NMBR: variants seen among roughly 807,000 people sequenced by gnomAD.
NMBR encodes neuromedin B receptor, also known as neuromedin-B receptor.
NMBR carries 16 observed loss-of-function variants against 20.5 expected under a neutral mutation model. The observed-to-expected ratio is 0.78, with a 90% CI of 0.53 to 1.19. The LOEUF (loss-of-function observed/expected upper bound fraction) is 1.19. NMBR is among the 50% of genes most tolerant of loss of function. The probability of loss-of-function intolerance (pLI) is 0.00; values close to 1 mark genes in which losing one functional copy is unlikely to be tolerated. For synonymous variants in NMBR, 212 were observed against 196.6 expected (o/e 1.08, Z -0.65); for missense variants, 582 against 499.1 (o/e 1.17, Z -1.58).
At chr6:142,100,238 G>T (rs187901416) in intron 1 of NMBR, among the ~76,000 whole-genome samples, 2 of 152,066 alleles carry the variant, frequency 1.3e-5, no homozygotes, top group Admixed American at 1.3e-4. Flanking sequence ...GAAAACATAT[G>T]TCCACACAAA....
intron 1 of NMBR, among the ~76,000 whole-genome samples, chr6:142,137,805 T>G (rs897989433): frequency 3.9e-5 from 6 of 152,180 alleles, no homozygotes; most frequent in Admixed American, 3.9e-4. Context: ...ATTTATTGAT[T>G]TGCGCATATT....
intron 2 of NMBR, among the ~76,000 whole-genome samples, chr6:142,081,967 A>G (rs1287976757): frequency 6.6e-6 from 1 of 152,212 alleles, no homozygotes; most frequent in African/African-American, 2.4e-5. Context: ...TTTCTTCATC[A>G]ATTCTTATTT....
chr6:142,083,699 G>A (rs781692537), intron 2 of NMBR, among the ~76,000 whole-genome samples: 4 of 152,132 alleles, frequency 2.6e-5, no homozygotes, highest in African/African-American at 4.8e-5. Flanking sequence ...TCTCTCTCCT[G>A]CCACCATGTG....
At chr6:142,089,738 T>A (rs1480201239) in intron 1 of NMBR, among the ~76,000 whole-genome samples, 1 of 152,222 alleles carries the variant, frequency 6.6e-6, no homozygotes, top group Non-Finnish European at 1.5e-5. Context: ...TACTGTATAC[T>A]ACATCATTTT....
At chr6:142,131,262 A>T (rs1164214998) in intron 1 of NMBR, among the ~76,000 whole-genome samples, 1 of 152,192 alleles carries the variant, frequency 6.6e-6, no homozygotes, top group Non-Finnish European at 1.5e-5. Context: ...TAACATTTGT[A>T]ATCAGCAGGC....
chr6:142,142,280 C>G (rs1234467042), intron 1 of NMBR, among the ~76,000 whole-genome samples: 1 of 152,084 alleles, frequency 6.6e-6, no homozygotes, highest in Non-Finnish European at 1.5e-5. Flanking sequence ...AAATAATACT[C>G]CAAAATCTTT....
intron 1 of NMBR, among the ~76,000 whole-genome samples, chr6:142,137,878 C>G (rs1582865729): frequency 6.6e-6 from 1 of 151,926 alleles, no homozygotes; most frequent in East Asian, 1.9e-4. Context: ...AATCAGTTTT[C>G]TTGAAAGTTT....
At chr6:142,119,955 G>A (rs1777917080) in intron 1 of NMBR, among the ~76,000 whole-genome samples, 1 of 151,838 alleles carries the variant, frequency 6.6e-6, no homozygotes, top group Non-Finnish European at 1.5e-5. Context: ...AATTGACATT[G>A]TACTTGTTGG....
At chr6:142,118,282 T>C (rs1562243401) in intron 1 of NMBR, among the ~76,000 whole-genome samples, 1 of 152,000 alleles carries the variant, frequency 6.6e-6, no homozygotes, top group African/African-American at 2.4e-5. Context: ...CTTATATTTG[T>C]GGTCATTACT....
At chr6:142,089,556 A>G (rs1777281595) in intron 1 of NMBR, among the ~76,000 whole-genome samples, 1 of 152,198 alleles carries the variant, frequency 6.6e-6, no homozygotes, top group Non-Finnish European at 1.5e-5. Flanking sequence ...CCCACAATCT[A>G]GCCACCATCT....
chr6:142,100,843 A>T (rs1184744175), intron 1 of NMBR, among the ~76,000 whole-genome samples: 3 of 152,228 alleles, frequency 2.0e-5, no homozygotes, highest in Non-Finnish European at 4.4e-5. Flanking sequence ...TAATTTTGCC[A>T]TTTCAAAGCA....
At chr6:142,076,832 C>G (rs567221222) in intron 3 of NMBR, among the ~76,000 whole-genome samples, 59 of 151,970 alleles carry the variant, frequency 3.9e-4, no homozygotes, top group Non-Finnish European at 7.4e-4. Context: ...CATGGAATAC[C>G]AATTTATTGA....
At chr6:142,125,519 A>AC (rs1582858819) in intron 1 of NMBR, among the ~76,000 whole-genome samples, 25 of 151,634 alleles carry the variant, frequency 1.6e-4, no homozygotes, top group Non-Finnish European at 2.8e-4. Context: ...ATACATACAC[A>AC]ATTACTCATG....
intron 1 of NMBR, among the ~76,000 whole-genome samples, chr6:142,137,979 G>A (rs225612): frequency 0.96 from 145,011 of 150,322 alleles, 70,001 homozygotes; most frequent in East Asian, 1. Context: ...TCTTCTTGGG[G>A]AAAAAAAAAA....
intron 1 of NMBR, among the ~76,000 whole-genome samples, chr6:142,110,948 A>G (rs1219734468): frequency 6.6e-6 from 1 of 152,180 alleles, no homozygotes; most frequent in Non-Finnish European, 1.5e-5. Context: ...TAGATCAAAT[A>G]AGACATACTG....
rs202038884 is a variant in NMBR, at chr6:142,094,000, G to T, written c.-663-4679C>A. Among the ~76,000 whole-genome samples the T allele has an allele frequency of 3.7e-3, 147 of 39,270 alleles. 2 individuals carry two copies. The East Asian group carries it at 0.14, about 36-fold the overall frequency. 25.8% of individuals were successfully genotyped at this position (39,270 alleles called of 152,430 possible). A position where few individuals can be genotyped will look rare whatever the true frequency, so the allele number is the denominator to read the frequency against. On this transcript the variant is annotated intron_variant, in intron 1 of 3. Coordinates refer to ENST00000258042, the MANE Select transcript of NMBR (RefSeq NM_002511.4). ...CCTTCGCCCACTCTTTGATGGGGTT[G>T]TTTTTTTTCTTGTAAATTTGTTTGA...
chr6:142,109,092 G>A (rs967627921), intron 1 of NMBR, among the ~76,000 whole-genome samples: 3 of 152,220 alleles, frequency 2.0e-5, no homozygotes, highest in Non-Finnish European at 4.4e-5. Context: ...CTCCAACCCT[G>A]TGGCTTTGCA....
intron 1 of NMBR, among the ~76,000 whole-genome samples, chr6:142,122,595 G>C (rs1777963234): frequency 6.6e-6 from 1 of 151,934 alleles, no homozygotes; most frequent in African/African-American, 2.4e-5. Flanking sequence ...GTCAATGCCT[G>C]GGTTCAATGC....
intron 1 of NMBR, among the ~76,000 whole-genome samples, chr6:142,145,734 C>T (rs1270246753): frequency 6.6e-6 from 1 of 152,070 alleles, no homozygotes; most frequent in African/African-American, 2.4e-5. Flanking sequence ...TTGAATAGAG[C>T]GAGAGAAGTT....
Sources: gnomAD v4.1 joint callset for allele counts (sites outside exome capture counted in the v4.1 genomes callset) on GRCh38, gnomAD v4.1.1 for gene constraint, MANE v1.5 for transcripts, NCBI Gene and HGNC (gene_info 2026-07-23, HGNC 2026-07-21) for gene names.